CPNE2: variants seen among roughly 807,000 people sequenced by gnomAD.
CPNE2 encodes the protein copine 2, also known as copine-2.
CPNE2 carries 42 observed loss-of-function variants against 69.7 expected under a neutral mutation model. The ratio of observed to expected loss-of-function variants is 0.60; its 90% CI spans 0.47 to 0.78. The LOEUF (loss-of-function observed/expected upper bound fraction) is 0.78, where lower values mean the gene tolerates loss of function less well. CPNE2 is among the 30% of genes least tolerant of loss of function. CPNE2 has a pLI of 0.00. For missense variants in CPNE2, 587 were observed against 732.0 expected (o/e 0.80, Z 2.29); for synonymous variants, 294 against 289.8 (o/e 1.01, Z -0.15).
chr16:57,113,007 G>A (rs2069691364), intron 2 of CPNE2: 1 of 306,658 alleles, frequency 3.3e-6, no homozygotes, highest in Non-Finnish European at 6.1e-6. Flanking sequence ...CCTGGGTAGG[G>A]AGCCAGGGCC....
At chr16:57,117,606 A>G in intron 5 of CPNE2, 39 bp downstream of exon 5, 1 of 1,600,878 alleles carries the variant, frequency 6.2e-7, no homozygotes, top group Non-Finnish European at 8.5e-7. Flanking sequence ...TGGGAACAGT[A>G]GCCCCCACCA....
chr16:57,134,114 C>T (rs890884845), intron 12 of CPNE2, among the ~76,000 whole-genome samples: 7 of 152,204 alleles, frequency 4.6e-5, no homozygotes, highest in Admixed American at 1.3e-4. Flanking sequence ...GTGATGGGTG[C>T]AGCAGTGTCC....
At chr16:57,121,041 A>C in intron 7 of CPNE2, 52 bp from the exon 8 acceptor site, 1 of 1,386,096 alleles carries the variant, frequency 7.2e-7, no homozygotes, top group Non-Finnish European at 1.0e-6. Context: ...GAGGGGCTGG[A>C]GAGCACCTCT....
chr16:57,137,020 AC>A lies in CPNE2; in HGVS notation c.1169-128del, dbSNP rs556269002. The A allele has an allele frequency of 2.2e-4, 295 of 1,350,848 alleles. No homozygotes were observed. The South Asian group carries it at 4.0e-3, about 18-fold the overall frequency. 83.7% of individuals were successfully genotyped at this position (1,350,848 alleles called of 1,614,324 possible). A position where few individuals can be genotyped will look rare whatever the true frequency, so the allele number is the denominator to read the frequency against. Reference sequence around the variant, plus strand: ...CCTCTGGCAGCTTCCAGTCTGTCTCACAAGGCCTATGCTAGCCATGGCAGGG... The same window carrying A: ...CCTCTGGCAGCTTCCAGTCTGTCTCAAAGGCCTATGCTAGCCATGGCAGGG... On this transcript the variant is annotated intron_variant, in intron 13 of 15. Coordinates refer to ENST00000290776, the MANE Select transcript of CPNE2 (RefSeq NM_152727.6).
chr16:57,119,746 T>A (rs1468005676), intron 7 of CPNE2, 96 bp downstream of exon 7: 1 of 786,142 alleles, frequency 1.3e-6, no homozygotes, highest in East Asian at 2.8e-5. Context: ...AAGCTCTTTC[T>A]CATACAAGTG....
At chr16:57,101,592 CATT>C (rs147464863) in intron 1 of CPNE2, among the ~76,000 whole-genome samples, 46,475 of 152,000 alleles carry the variant, frequency 0.31, 7,944 homozygotes, top group Middle Eastern at 0.4. Context: ...ACACCTGCCT[CATT>C]ATGCCAAATC....
In CPNE2 at chr16:57,118,648, A is replaced by AGATGGATGGATG. The variant is rs3054318; in HGVS notation, c.508-515_508-504dup. Among the ~76,000 whole-genome samples the AGATGGATGGATG allele has an allele frequency of 4.1e-3, 588 of 141,770 alleles. 3 individuals are homozygous for AGATGGATGGATG. The highest frequency in any genetic ancestry group is 4.7e-3 in the Non-Finnish European group (310 of 65,526). The allele number at this position is 141,770 out of a possible 152,430, so 93.0% of individuals were successfully genotyped here. A position where few individuals can be genotyped will look rare whatever the true frequency, so the allele number is the denominator to read the frequency against. On this transcript the variant is annotated intron_variant, in intron 5 of 15. Transcript: ENST00000290776. ...CCTGGGCAATATAGTGAGACCCCATAGATGGATGGATGGATGGATGGATGG... is the reference window on the plus strand; with the variant it reads ...CCTGGGCAATATAGTGAGACCCCATAGATGGATGGATGGATGGATGGATGGATGGATGGATGG...
chr16:57,126,752 A>G (rs1277293566), intron 11 of CPNE2, among the ~76,000 whole-genome samples: 1 of 152,190 alleles, frequency 6.6e-6, no homozygotes, highest in Non-Finnish European at 1.5e-5. Flanking sequence ...GCAGCCAGGG[A>G]TCTGTACAAC....
At chr16:57,099,661 G>A (rs1229915202) in intron 1 of CPNE2, among the ~76,000 whole-genome samples, 4 of 151,584 alleles carry the variant, frequency 2.6e-5, no homozygotes, top group Non-Finnish European at 5.9e-5. Flanking sequence ...GCAGTGGCGC[G>A]ATCTCAGCTT....
intron 1 of CPNE2, among the ~76,000 whole-genome samples, chr16:57,109,498 A>G (rs941332303): frequency 4.6e-5 from 7 of 151,810 alleles, no homozygotes; most frequent in Non-Finnish European, 7.4e-5. Flanking sequence ...AAAAGAAAGT[A>G]AAGGAATAAA....
At chr16:57,116,267 G>T (rs771042218) in intron 4 of CPNE2, among the ~76,000 whole-genome samples, 9 of 152,018 alleles carry the variant, frequency 5.9e-5, no homozygotes, top group Non-Finnish European at 1.0e-4. Flanking sequence ...AATGCCCTGC[G>T]TTCAAAGCAA....
chr16:57,144,030 A>T (rs1484068610), intron 14 of CPNE2: 1 of 152,278 alleles, frequency 6.6e-6, no homozygotes, highest in Non-Finnish European at 1.5e-5. Flanking sequence ...GTTGCCCTGG[A>T]CTGTTTCTGA....
chr16:57,147,926 T>G lies in CPNE2; in HGVS notation c.*268T>G. Reference sequence around the variant, plus strand: ...GTATTGAATGTACTTTGTATAATTTTAGTGGAATTGTTATTGAGAATAAAA... The same window carrying G: ...GTATTGAATGTACTTTGTATAATTTGAGTGGAATTGTTATTGAGAATAAAA... On this transcript the variant is annotated 3_prime_UTR_variant, in exon 16 of 16. Coordinates refer to ENST00000290776, the MANE Select transcript of CPNE2 (RefSeq NM_152727.6). The G allele has an allele frequency of 5.8e-6, 2 of 346,372 alleles. No individual in the cohort carries two copies. 21.5% of individuals were successfully genotyped at this position (346,372 alleles called of 1,614,324 possible). A position where few individuals can be genotyped will look rare whatever the true frequency, so the allele number is the denominator to read the frequency against.
intron 13 of CPNE2, among the ~76,000 whole-genome samples, chr16:57,136,058 GAAA>G (rs1409134102): frequency 6.6e-6 from 1 of 150,800 alleles, no homozygotes; most frequent in Non-Finnish European, 1.5e-5. Context: ...AAGAAAGAAA[GAAA>G]AAGGAAGATG....
Position 57,125,909 on chromosome 16 carries a change from C to T in CPNE2, c.977C>T (p.Ser326Phe). 2 of 1,614,228 alleles carry T rather than the reference C, an allele frequency of 1.2e-6. No homozygotes were observed. Among genetic ancestry groups the T allele is most frequent in the Non-Finnish European group, 1.7e-6 (2 of 1,180,042 alleles). ...AACGGGAATCCCCTCGACCCTTCCT[C>T]TTTGCACTATATCAACCCTATGGGC... Reference protein sequence around the residue: ...ASNGNPLDPSSLHYINPMGTN... With the variant: ...ASNGNPLDPSFLHYINPMGTN... The change falls in exon 11 of 16, where the codon TCT (serine) becomes TTT (phenylalanine). Residue 326 changes from serine to phenylalanine, a missense_variant. This residue lies in a region of CPNE2 where 269 missense variants were observed against 300.5 expected (regional missense o/e 0.90). Transcript: ENST00000290776.
intron 15 of CPNE2, chr16:57,147,247 T>C (rs1474478502): frequency 1.7e-5 from 5 of 289,674 alleles, no homozygotes; most frequent in African/African-American, 1.1e-4. Context: ...CAGGAGATGT[T>C]TGCCGGACAC....
chr16:57,097,285 A>T lies in CPNE2; in HGVS notation c.-36+4495A>T, dbSNP rs61518071. Among the ~76,000 whole-genome samples, 500 of 151,876 alleles carry T rather than the reference A, an allele frequency of 3.3e-3. 3 individuals are homozygous for T. The highest frequency in any genetic ancestry group is 0.012 in the African/African-American group (483 of 41,362). On this transcript the variant is annotated intron_variant, in intron 1 of 15. Coordinates refer to ENST00000290776, the MANE Select transcript of CPNE2 (RefSeq NM_152727.6). ...CTCTGTTCCCCCAACTCCATCCCGAACTCCTATGCCCAGAGCCTGAGTGTG... is the reference window on the plus strand; with the variant it reads ...CTCTGTTCCCCCAACTCCATCCCGATCTCCTATGCCCAGAGCCTGAGTGTG...
intron 12 of CPNE2, among the ~76,000 whole-genome samples, chr16:57,129,815 T>G (rs569571688): frequency 1.3e-5 from 2 of 151,562 alleles, no homozygotes; most frequent in East Asian, 2.0e-4. Context: ...TGAGACCCTG[T>G]TACAAAAAAA....
At chr16:57,097,246 T>C (rs2069583402) in intron 1 of CPNE2, among the ~76,000 whole-genome samples, 1 of 152,176 alleles carries the variant, frequency 6.6e-6, no homozygotes, top group African/African-American at 2.4e-5. Flanking sequence ...CCTGCCCTTG[T>C]CATTTGCTCA....
Sources: gnomAD v4.1 joint callset for allele counts (sites outside exome capture counted in the v4.1 genomes callset) on GRCh38, gnomAD v4.1.1 for gene constraint, gnomAD v4.1.1 regional missense constraint, MANE v1.5 for transcripts, NCBI Gene and HGNC (gene_info 2026-07-23, HGNC 2026-07-21) for gene names.